Variants in ZNF423 observed in about 807,000 individuals in gnomAD.
ZNF423 encodes the protein zinc finger protein 423.
In ZNF423, 12 loss-of-function variants were observed where a neutral mutation model predicts 95.8. That is an observed-to-expected ratio of 0.13 (90% CI 0.08 to 0.20). The LOEUF (loss-of-function observed/expected upper bound fraction) is 0.20. Among genes scored for constraint, ZNF423 ranks in the 10% least tolerant of loss-of-function variants. The pLI is 1.00. For missense variants in ZNF423, 1,316 were observed against 1,737.1 expected, an observed-to-expected ratio of 0.76 and a Z score of 4.31; for synonymous variants, 749 against 711.9, an observed-to-expected ratio of 1.05 and a Z score of -0.83.
intron 3 of ZNF423, among the ~76,000 whole-genome samples, chr16:49,647,372 A>T (rs60857779): frequency 2.0e-5 from 3 of 152,132 alleles, no homozygotes; most frequent in Admixed American, 2.0e-4. Flanking sequence ...AGATTGTGGT[A>T]GGCAGAATAA....
Position 49,646,574 on chromosome 16 carries a change from C to CTTTTTTTTTTT in ZNF423, c.302-7711_302-7701dup, listed in dbSNP as rs71380366. Among the ~76,000 whole-genome samples the CTTTTTTTTTTT allele has an allele frequency of 5.8e-3, 681 of 117,874 alleles. 47 individuals carry two copies. Among genetic ancestry groups the CTTTTTTTTTTT allele is most frequent in the African/African-American group, 0.018 (595 of 33,532 alleles). 77.3% of individuals were successfully genotyped at this position (117,874 alleles called of 152,430 possible). On this transcript the variant is annotated intron_variant, in intron 3 of 7. Coordinates refer to ENST00000563137, the MANE Select transcript of ZNF423 (RefSeq NM_001379286.1). Reference sequence around the variant, plus strand: ...TTATGGCACATTTTCTTTTCTTTTTCTTTTTTTTTTTTTTGAGAAGGAGTC... The same window carrying CTTTTTTTTTTT: ...TTATGGCACATTTTCTTTTCTTTTTCTTTTTTTTTTTTTTTTTTTTTTTTTGAGAAGGAGTC...
rs2035335828 is a variant in ZNF423, at chr16:49,854,476, G to A, written c.40+1259C>T. 4.1e-6 allele frequency: 4 copies of A among 985,478 alleles called. No homozygotes were observed. The South Asian group carries it at 1.4e-4, about 35-fold the overall frequency. 61.0% of individuals were successfully genotyped at this position (985,478 alleles called of 1,614,324 possible). A position where few individuals can be genotyped will look rare whatever the true frequency, so the allele number is the denominator to read the frequency against. On this transcript the variant is annotated intron_variant, in intron 1 of 7. Coordinates refer to ENST00000563137, the MANE Select transcript of ZNF423 (RefSeq NM_001379286.1). ...AGCGCCTTCCCGCGCAGGCCTCCAG[G>A]AAATGAACTTTTCAGAGCAGAACTG...
intron 5 of ZNF423, among the ~76,000 whole-genome samples, chr16:49,556,582 C>T (rs1320068193): frequency 6.6e-6 from 1 of 152,158 alleles, no homozygotes; most frequent in Admixed American, 6.5e-5. Flanking sequence ...GAGACCTCCA[C>T]AGACTCTGCA....
chr16:49,682,382 G>A lies in ZNF423; in HGVS notation c.302-43508C>T, dbSNP rs374082045. 1.6e-4 allele frequency among the ~76,000 whole-genome samples: 24 copies of A among 152,328 alleles called. No individual in the cohort carries two copies. In the South Asian group the frequency reaches 4.8e-3, roughly 30 times the overall value. ...AGCACATCCCACCCCTCCTGCTCAGGAAAGGAGGGTGGGTGCAGAAGGCCC... is the reference window on the plus strand; with the variant it reads ...AGCACATCCCACCCCTCCTGCTCAGAAAAGGAGGGTGGGTGCAGAAGGCCC... On this transcript the variant is annotated intron_variant, in intron 3 of 7. Transcript: ENST00000563137.
chr16:49,855,112 C>CG lies in ZNF423; in HGVS notation c.40+622dup. On this transcript the variant is annotated intron_variant, in intron 1 of 7. Transcript: ENST00000563137. This position sits in a 1 kb window ranked among gnomAD's most constrained non-coding sequence, Gnocchi z 4.7. ...GGAGGAGGCAGGAAGTGCAGGGGCCCGGGCCGGGAGAAGGCCTGGGCAGGG... is the reference window on the plus strand; with the variant it reads ...GGAGGAGGCAGGAAGTGCAGGGGCCCGGGGCCGGGAGAAGGCCTGGGCAGGG... The CG allele has an allele frequency of 1.1e-6, 1 of 924,000 alleles. No individual in the cohort carries two copies. The highest frequency in any genetic ancestry group is 5.0e-5 in the South Asian group (1 of 19,992). 57.2% of individuals were successfully genotyped at this position (924,000 alleles called of 1,614,324 possible). A position where few individuals can be genotyped will look rare whatever the true frequency, so the allele number is the denominator to read the frequency against.
intron 6 of ZNF423, 105 bp downstream of exon 6, chr16:49,525,258 G>C: frequency 2.6e-6 from 4 of 1,517,668 alleles, no homozygotes; most frequent in Non-Finnish European, 3.6e-6. Flanking sequence ...TCTATAACAG[G>C]CCTGCCAAGG....
intron 1 of ZNF423, among the ~76,000 whole-genome samples, chr16:49,836,062 C>A (rs1379372003): frequency 6.6e-6 from 1 of 152,150 alleles, no homozygotes; most frequent in Admixed American, 6.5e-5. Flanking sequence ...CCTAGCTGAG[C>A]CAACTGGACT....
At chr16:49,495,223 C>T (rs1967113891) in intron 7 of ZNF423, among the ~76,000 whole-genome samples, 1 of 152,174 alleles carries the variant, frequency 6.6e-6, no homozygotes, top group African/African-American at 2.4e-5. Flanking sequence ...CTCAATCCAT[C>T]CACTCAGCAG....
At chr16:49,813,685 T>TC (rs562236232) in intron 1 of ZNF423, among the ~76,000 whole-genome samples, 14 of 152,306 alleles carry the variant, frequency 9.2e-5, no homozygotes, top group South Asian at 4.1e-4. Flanking sequence ...CACTGTTGGC[T>TC]CCCCCTTGGC....
At position 49,637,288 on chromosome 16, in the gene ZNF423, C is replaced by T. The variant is rs532691621; in HGVS notation, c.1888G>A (p.Ala630Thr). The T allele has an allele frequency of 6.2e-5, 100 of 1,614,216 alleles. No homozygotes were observed. The South Asian group carries it at 9.8e-4, about 16-fold the overall frequency. ...VSSPKRQRLS[A>T]SANSISNGEY... is the part of the protein sequence containing the mutation. ...CCATTGGAGATGGAGTTGGCGCTTGCTGAGAGCCGCTGCCGCTTCGGGGAA... is the reference window on the plus strand; with the variant it reads ...CCATTGGAGATGGAGTTGGCGCTTGTTGAGAGCCGCTGCCGCTTCGGGGAA... The change falls in exon 4 of 8, where the codon GCA becomes ACA. Residue 630 changes from alanine (A) to threonine (T), a missense_variant. Physicochemically the swap from Ala to Thr is moderately conservative, Grantham distance 58. Transcript: ENST00000563137. This position sits in a 1 kb window ranked among gnomAD's most constrained non-coding sequence, Gnocchi z 5.6.
intron 1 of ZNF423, among the ~76,000 whole-genome samples, chr16:49,839,879 C>T (rs529610366): frequency 3.0e-4 from 46 of 152,316 alleles, no homozygotes; most frequent in African/African-American, 1.1e-3. Context: ...GCCCCCTTCA[C>T]CATCTGGGAT....
At chr16:49,679,770 C>A (rs1051408042) in intron 3 of ZNF423, among the ~76,000 whole-genome samples, 2 of 152,240 alleles carry the variant, frequency 1.3e-5, no homozygotes. Context: ...ACGTTCTAGC[C>A]AGAAATGGCC....
intron 1 of ZNF423, among the ~76,000 whole-genome samples, chr16:49,845,805 A>G (rs1404304455): frequency 6.6e-6 from 1 of 151,962 alleles, no homozygotes; most frequent in Non-Finnish European, 1.5e-5. Flanking sequence ...CGGTTTCTCA[A>G]AGTGTTGGGA....
chr16:49,664,072 G>C, intron 3 of ZNF423: 1 of 985,614 alleles, frequency 1.0e-6, no homozygotes, highest in Non-Finnish European at 1.2e-6. Context: ...CCTCATCACT[G>C]TCCCATGCCT....
intron 3 of ZNF423, among the ~76,000 whole-genome samples, chr16:49,724,914 C>G (rs1169383333): frequency 3.3e-5 from 5 of 152,166 alleles, no homozygotes; most frequent in East Asian, 3.9e-4. Flanking sequence ...CAAAGTCCCC[C>G]CTCTTGTTTT....
At chr16:49,789,841 T>A (rs974048322) in intron 1 of ZNF423, among the ~76,000 whole-genome samples, 8 of 152,120 alleles carry the variant, frequency 5.3e-5, no homozygotes, top group Non-Finnish European at 1.5e-5. Flanking sequence ...AAGAAACCAA[T>A]AAGGTTGCTC....
chr16:49,827,573 C>T (rs967483164), intron 1 of ZNF423, among the ~76,000 whole-genome samples: 1 of 151,818 alleles, frequency 6.6e-6, no homozygotes, highest in South Asian at 2.1e-4. Context: ...TGGAGTGTAG[C>T]GGCTCAATCA....
intron 5 of ZNF423, among the ~76,000 whole-genome samples, chr16:49,613,750 T>C (rs1042517950): frequency 6.6e-6 from 1 of 152,094 alleles, no homozygotes; most frequent in African/African-American, 2.4e-5. Context: ...AGCCTTTTCA[T>C]CAAATGATAC....
At chr16:49,723,048 T>G (rs940903956) in intron 3 of ZNF423, among the ~76,000 whole-genome samples, 1 of 147,856 alleles carries the variant, frequency 6.8e-6, no homozygotes, top group East Asian at 2.0e-4. Flanking sequence ...CTCCGCCTCC[T>G]GGGTTCATGC....
Sources: gnomAD v4.1 joint callset for allele counts (sites outside exome capture counted in the v4.1 genomes callset) on GRCh38, gnomAD v4.1.1 for gene constraint, Gnocchi (gnomAD v3.1) non-coding constraint, MANE v1.5 for transcripts, NCBI Gene and HGNC (gene_info 2026-07-23, HGNC 2026-07-21) for gene names.